Variants in KLRD1 observed in about 807,000 individuals in gnomAD.
KLRD1 encodes the protein killer cell lectin like receptor D1, also known as natural killer cells antigen CD94.
Under a neutral mutation model 22.6 loss-of-function variants are expected in KLRD1, and 21 were observed. The observed-to-expected ratio is 0.93, with a 90% confidence interval of 0.66 to 1.34. The LOEUF (loss-of-function observed/expected upper bound fraction) is 1.34. KLRD1 is among the 40% of genes most tolerant of loss of function. The pLI, the probability that KLRD1 is intolerant of heterozygous loss-of-function variation, is 0.00. For missense variants in KLRD1, 183 were observed against 208.6 expected, an observed-to-expected ratio of 0.88 and a Z score of 0.76; for synonymous variants, 59 against 71.1, an observed-to-expected ratio of 0.83 and a Z score of 0.85.
At chr12:10,277,186 A>C (rs1168975702) in intron 1 of KLRD1, among the ~76,000 whole-genome samples, 1 of 151,148 alleles carries the variant, frequency 6.6e-6, no homozygotes, top group Non-Finnish European at 1.5e-5. Context: ...TCTATCTCAA[A>C]CATGCAGGGT....
chr12:10,255,323 CT>C (rs1431875047), intron 1 of KLRD1, among the ~76,000 whole-genome samples: 2 of 152,040 alleles, frequency 1.3e-5, no homozygotes, highest in African/African-American at 4.8e-5. Flanking sequence ...TGTTTATTTT[CT>C]CTATTTTCCA....
chr12:10,275,723 A>G (rs184769551), intron 1 of KLRD1, among the ~76,000 whole-genome samples: 116 of 152,324 alleles, frequency 7.6e-4, no homozygotes, highest in African/African-American at 2.7e-3. Context: ...GCGTTTGTAT[A>G]TCCTCCACTC....
At chr12:10,278,376 AC>A (rs1455889310) in intron 1 of KLRD1, among the ~76,000 whole-genome samples, 1 of 152,100 alleles carries the variant, frequency 6.6e-6, no homozygotes, top group Non-Finnish European at 1.5e-5. Flanking sequence ...CAAAAAAGCC[AC>A]TTATAAGGCT....
At chr12:10,297,861 T>C (rs1169369822) in intron 1 of KLRD1, among the ~76,000 whole-genome samples, 2 of 152,212 alleles carry the variant, frequency 1.3e-5, no homozygotes, top group Non-Finnish European at 2.9e-5. Flanking sequence ...CTTTCCCAGA[T>C]GAAATATATA....
upstream of KLRD1, among the ~76,000 whole-genome samples, chr12:10,302,013 C>G (rs76880735): frequency 0.017 from 2,582 of 152,242 alleles, 71 homozygotes; most frequent in African/African-American, 0.058. Flanking sequence ...GGTTCACCAT[C>G]TTATATGGGC....
rs1592064969 is a variant in KLRD1 at position 10,291,278 on chromosome 12, C to G, written c.-100-16700C>G. On this transcript the variant is annotated intron_variant, in intron 1 of 5. Transcript: ENST00000544747. ...TGGTGGTTGTTGAAGGCTGGGGTGA[C>G]AGTGGCAATTTCTAAAAATAAGACA... Among the ~76,000 whole-genome samples the G allele has an allele frequency of 1.3e-5, 2 of 152,182 alleles. 1 individual carries two copies. Among genetic ancestry groups the G allele is most frequent in the South Asian group, 4.1e-4 (2 of 4,824 alleles).
chr12:10,291,671 AC>A (rs1171587544), intron 1 of KLRD1, among the ~76,000 whole-genome samples: 3 of 150,736 alleles, frequency 2.0e-5, no homozygotes, highest in Non-Finnish European at 4.4e-5. Flanking sequence ...CACAAGCAGA[AC>A]GTGCAGGTTT....
chr12:10,299,529 A>C (rs1462106130), upstream of KLRD1, among the ~76,000 whole-genome samples: 1 of 152,162 alleles, frequency 6.6e-6, no homozygotes, highest in Non-Finnish European at 1.5e-5. Flanking sequence ...TTATGTCTTA[A>C]AAAACAGTAT....
chr12:10,270,263 A>G (rs1259911024), intron 1 of KLRD1, among the ~76,000 whole-genome samples: 2 of 152,230 alleles, frequency 1.3e-5, no homozygotes, highest in Non-Finnish European at 2.9e-5. Context: ...AATGAGAAAA[A>G]TATCTTGATG....
chr12:10,270,771 A>G (rs1592044598), intron 1 of KLRD1, among the ~76,000 whole-genome samples: 1 of 137,888 alleles, frequency 7.3e-6, no homozygotes. Flanking sequence ...GGTTTAGTTC[A>G]TTTCCCTCCC....
rs534494030 is a variant in KLRD1, at chr12:10,244,865, TAG to T, written c.-101+18635_-101+18636del. Among the ~76,000 whole-genome samples, 209 of 152,204 alleles carry T rather than the reference TAG, an allele frequency of 1.4e-3. 1 individual carries two copies. Among genetic ancestry groups the T allele is most frequent in the African/African-American group, 4.7e-3 (196 of 41,520 alleles). On this transcript the variant is annotated intron_variant, in intron 1 of 5. Coordinates refer to the KLRD1 transcript ENST00000544747. ...AGAAATCATGCTCTTACTCTTCCTG[TAG>T]AGTGGTAATGCAGTACTGATTTAAT...
chr12:10,285,868 A>T (rs1949697140), intron 1 of KLRD1, among the ~76,000 whole-genome samples: 1 of 152,210 alleles, frequency 6.6e-6, no homozygotes. Context: ...CTGGAATAAC[A>T]AAAATAGCGC....
At chr12:10,249,983 T>C (rs115320391) in intron 1 of KLRD1, among the ~76,000 whole-genome samples, 1 of 152,300 alleles carries the variant, frequency 6.6e-6, no homozygotes, top group African/African-American at 2.4e-5. Context: ...AGGAGTATAG[T>C]AGTCCTTTTG....
chr12:10,304,321 A>G (rs1448731653), upstream of KLRD1: 1 of 152,216 alleles, frequency 6.6e-6, no homozygotes, highest in Non-Finnish European at 1.5e-5. Context: ...GTTATGACAC[A>G]TCTCCATTTT....
intron 1 of KLRD1, among the ~76,000 whole-genome samples, chr12:10,295,918 G>A (rs1949817160): frequency 6.6e-6 from 1 of 152,106 alleles, no homozygotes; most frequent in Admixed American, 6.5e-5. Flanking sequence ...GTGTTTCAAT[G>A]CAGAGTGAGA....
intron 1 of KLRD1, among the ~76,000 whole-genome samples, chr12:10,289,881 C>T (rs143360677): frequency 0.013 from 1,983 of 152,200 alleles, 50 homozygotes; most frequent in African/African-American, 0.045. Context: ...CAGGTTCAAG[C>T]GATTCTCCTG....
upstream of KLRD1, among the ~76,000 whole-genome samples, chr12:10,306,957 T>A (rs548118660): frequency 2.6e-5 from 4 of 152,336 alleles, no homozygotes; most frequent in South Asian, 8.3e-4. Context: ...ATACAAAATA[T>A]AATACACAAA....
intron 1 of KLRD1, among the ~76,000 whole-genome samples, chr12:10,286,682 T>TTC (rs1451142903): frequency 6.9e-6 from 1 of 144,322 alleles, no homozygotes; most frequent in Non-Finnish European, 1.5e-5. Context: ...TTTTTTTTTT[T>TTC]TTTTTTTATA....
chr12:10,281,772 G>C (rs1459738247), intron 1 of KLRD1, among the ~76,000 whole-genome samples: 1 of 152,172 alleles, frequency 6.6e-6, no homozygotes, highest in East Asian at 1.9e-4. Context: ...ACATTCCCGT[G>C]ACTGAACATG....
Sources: gnomAD v4.1 joint callset for allele counts (sites outside exome capture counted in the v4.1 genomes callset) on GRCh38, gnomAD v4.1.1 for gene constraint, MANE v1.5 for transcripts, NCBI Gene and HGNC (gene_info 2026-07-23, HGNC 2026-07-21) for gene names.